GMEB1: variants seen among roughly 807,000 people sequenced by gnomAD.
GMEB1 encodes glucocorticoid modulatory element binding protein 1.
Under a neutral mutation model 52.4 loss-of-function variants are expected in GMEB1, and 6 were observed. The ratio of observed to expected loss-of-function variants is 0.11; its 90% CI spans 0.06 to 0.23. The LOEUF (loss-of-function observed/expected upper bound fraction) is 0.23, where lower values mean the gene tolerates loss of function less well. Among genes scored for constraint, GMEB1 ranks in the 10% least tolerant of loss-of-function variants. GMEB1 has a pLI of 1.00. For missense variants in GMEB1, 486 were observed against 685.6 expected (o/e 0.71, Z 3.25); for synonymous variants, 255 against 244.9 (o/e 1.04, Z -0.38).
chr1:28,710,638 G>T lies in GMEB1; in HGVS notation c.987G>T (p.Leu329=). The change falls in exon 9 of 10, where the codon CTG becomes CTT. Residue 329 remains leucine, a synonymous_variant. Transcript: ENST00000373816. The part of the protein sequence containing the change: ...EQGEEQFLYT[L]TDLERQLEEQ... The stretch of plus-strand genomic sequence containing the variant: ...GAGAAGAACAGTTTCTCTATACTCT[G>T]ACAGGTATGTATAAGTTATCGCTCT... 1 of 1,587,000 alleles carries T rather than the reference G, an allele frequency of 6.3e-7. No homozygotes were observed. Among genetic ancestry groups the T allele is most frequent in the Non-Finnish European group, 8.6e-7 (1 of 1,166,854 alleles).
At chr1:28,695,241 C>T (rs994447994) in intron 5 of GMEB1, among the ~76,000 whole-genome samples, 7 of 152,002 alleles carry the variant, frequency 4.6e-5, no homozygotes, top group Non-Finnish European at 1.0e-4. Flanking sequence ...GCTGGGATTA[C>T]AGGCGTGAGC....
intron 1 of GMEB1, among the ~76,000 whole-genome samples, chr1:28,673,253 G>A (rs1464711895): frequency 6.6e-6 from 1 of 150,580 alleles, no homozygotes; most frequent in Non-Finnish European, 1.5e-5. Flanking sequence ...TGTGACACTT[G>A]TCCATTTTTC....
At chr1:28,695,819 G>C (rs1670174706) in intron 5 of GMEB1, among the ~76,000 whole-genome samples, 1 of 142,124 alleles carries the variant, frequency 7.0e-6, no homozygotes, top group African/African-American at 2.6e-5. Flanking sequence ...GGCGCCTGTA[G>C]TCCCAGCTAC....
chr1:28,714,891 A>G lies in GMEB1; in HGVS notation c.*118A>G. On this transcript the variant is annotated 3_prime_UTR_variant, in exon 10 of 10. Transcript: ENST00000373816. The stretch of plus-strand genomic sequence containing the variant: ...CCTTTTTTAAAAAAAAAAAAACAAA[A>G]TCTTATTGTTGTAACTGAAAATGTT... The G allele has an allele frequency of 1.3e-6, 1 of 745,042 alleles. No individual in the cohort carries two copies. Among genetic ancestry groups the G allele is most frequent in the East Asian group, 2.7e-5 (1 of 36,862 alleles). 46.2% of individuals were successfully genotyped at this position (745,042 alleles called of 1,614,324 possible).
In GMEB1 at chr1:28,671,391, A is replaced by G. The variant is rs184322334; in HGVS notation, c.-31+2552A>G. 1.6e-4 allele frequency among the ~76,000 whole-genome samples: 25 copies of G among 152,220 alleles called. 1 individual carries two copies. Among genetic ancestry groups the G allele is most frequent in the South Asian group, 6.2e-4 (3 of 4,820 alleles). On this transcript the variant is annotated intron_variant, in intron 1 of 9. Transcript: ENST00000373816. ...CTCAGCCTCCTGAGTAGCTGGGACT[A>G]CAGGTGCGTGGCACTGCGCCCGCCT...
At chr1:28,712,371 C>T (rs1054304197) in intron 9 of GMEB1, among the ~76,000 whole-genome samples, 6 of 152,084 alleles carry the variant, frequency 3.9e-5, no homozygotes, top group Non-Finnish European at 7.4e-5. Flanking sequence ...CTTCATTGGC[C>T]ATTGGTAATC....
intron 7 of GMEB1, 139 bp downstream of exon 7, chr1:28,702,708 C>T: frequency 2.9e-6 from 2 of 684,932 alleles, no homozygotes; most frequent in Non-Finnish European, 2.4e-6. Context: ...CTACAAACAT[C>T]CTACTTTAAT....
intron 9 of GMEB1, 140 bp downstream of exon 9, chr1:28,710,782 C>T (rs1411726349): frequency 1.1e-5 from 5 of 476,142 alleles, no homozygotes; most frequent in Admixed American, 4.1e-5. Flanking sequence ...AAAAAAAAGC[C>T]GCAGATGAGG....
intron 1 of GMEB1, among the ~76,000 whole-genome samples, chr1:28,676,685 G>A (rs12751872): frequency 0.46 from 70,042 of 150,636 alleles, 16,757 homozygotes; most frequent in East Asian, 0.76. Context: ...AGATCAGGGC[G>A]CTGCACTCCA....
At position 28,683,759 on chromosome 1, in the gene GMEB1, G is replaced by C. The variant is rs761663207; in HGVS notation, c.128+19G>C. ...AACAAGGGTAAGTGGCTAGAGATTT[G>C]GGTATTCTGAAGTATTTTGGGAAGC... is the stretch of plus-strand genomic sequence containing the variant. On this transcript the variant is annotated intron_variant, in intron 2 of 9. Coordinates refer to ENST00000373816, the MANE Select transcript of GMEB1 (RefSeq NM_001319674.2). 5 of 1,611,040 alleles carry C rather than the reference G, an allele frequency of 3.1e-6. No individual in the cohort carries two copies. The Admixed American group carries it at 8.4e-5, about 27-fold the overall frequency.
intron 5 of GMEB1, among the ~76,000 whole-genome samples, chr1:28,694,283 C>G (rs201306299): frequency 1.3e-5 from 2 of 150,924 alleles, no homozygotes; most frequent in South Asian, 4.2e-4. Context: ...CTCTGCCTCC[C>G]GGGTTCAAGT....
rs775779013 is a variant in GMEB1, at chr1:28,697,019, G to A, written c.533G>A (p.Ser178Asn). ...AGCACCAAATTTGATCTTCTGATCAGCAGTGCAAGAGCTCCAGTGCCAGGA... is the reference window on the plus strand; with the variant it reads ...AGCACCAAATTTGATCTTCTGATCAACAGTGCAAGAGCTCCAGTGCCAGGA... ...CRSTKFDLLI[S>N]SARAPVPGQQ... The change falls in exon 6 of 10, where the codon AGC (serine) becomes AAC (asparagine). Residue 178 changes from serine to asparagine, a missense_variant. This residue lies in a region of GMEB1 where 200 missense variants were observed against 253.5 expected (regional missense o/e 0.79). Coordinates refer to ENST00000373816, the MANE Select transcript of GMEB1 (RefSeq NM_001319674.2). 4 of 1,612,318 alleles carry A rather than the reference G, an allele frequency of 2.5e-6. No homozygotes were observed. The highest frequency in any genetic ancestry group is 3.4e-6 in the Non-Finnish European group (4 of 1,179,090).
At chr1:28,696,798 TC>T in intron 5 of GMEB1, 128 bp from the exon 6 acceptor site, 1 of 643,828 alleles carries the variant, frequency 1.6e-6, no homozygotes, top group Admixed American at 3.0e-5. Context: ...CCTAATGACT[TC>T]TAACACTATT....
At chr1:28,710,786 G>A in intron 9 of GMEB1, 144 bp downstream of exon 9, 1 of 456,198 alleles carries the variant, frequency 2.2e-6, no homozygotes, top group Non-Finnish European at 3.6e-6. Context: ...AAAAGCCGCA[G>A]ATGAGGTGGA....
rs1048700090 is a variant in GMEB1 at position 28,716,446 on chromosome 1, T to C, written c.*1673T>C. The C allele has an allele frequency of 6.6e-5, 10 of 152,124 alleles. No homozygotes were observed. The highest frequency in any genetic ancestry group is 2.4e-4 in the African/African-American group (10 of 41,430). 9.4% of individuals were successfully genotyped at this position (152,124 alleles called of 1,614,324 possible). A position where few individuals can be genotyped will look rare whatever the true frequency, so the allele number is the denominator to read the frequency against. ...TGTTCTGCCCTCCATCCCTCAACTC[T>C]TAATGGCATCTGTCTCCTAGAACCC... On this transcript the variant is annotated 3_prime_UTR_variant, in exon 10 of 10. Transcript: ENST00000373816.
chr1:28,702,064 G>A (rs748322044), intron 6 of GMEB1, among the ~76,000 whole-genome samples: 3 of 152,070 alleles, frequency 2.0e-5, no homozygotes, highest in Non-Finnish European at 4.4e-5. Flanking sequence ...ATTATTTCAA[G>A]CTTTCTTCAC....
rs879212606 is a variant in GMEB1 at position 28,690,203 on chromosome 1, G to GGTTT, written c.211+17_211+18insGTTT. 1.1e-3 allele frequency: 582 copies of GGTTT among 515,358 alleles called. No individual in the cohort carries two copies. The highest frequency in any genetic ancestry group is 2.2e-3 in the South Asian group (92 of 42,514). 31.9% of individuals were successfully genotyped at this position (515,358 alleles called of 1,614,324 possible). ...AAGGGATTGGTAAGGGTTTTTTTGT[G>GGTTT]TTTTTTTTTTTTTTTTTTTTTGTCA... is the stretch of plus-strand genomic sequence containing the variant. On this transcript the variant is annotated intron_variant, in intron 3 of 9. Transcript: ENST00000373816.
rs1342946875 is a variant in GMEB1, at chr1:28,714,814, T to A, written c.*41T>A. The A allele has an allele frequency of 6.0e-6, 8 of 1,324,806 alleles. No individual in the cohort carries two copies. The highest frequency in any genetic ancestry group is 7.4e-6 in the Non-Finnish European group (7 of 941,934). The allele number at this position is 1,324,806 out of a possible 1,614,324, so 82.1% of individuals were successfully genotyped here. On this transcript the variant is annotated 3_prime_UTR_variant, in exon 10 of 10. Transcript: ENST00000373816. ...CCAGGAGTTATGTTTTGATTTGGAA[T>A]TTTAATTATTTGTTTATTTTTATCA...
intron 1 of GMEB1, among the ~76,000 whole-genome samples, chr1:28,679,455 G>A (rs1669299553): frequency 6.6e-6 from 1 of 152,176 alleles, no homozygotes. Flanking sequence ...TGGGATTACA[G>A]GTGTGAGCCA....
Sources: gnomAD v4.1 joint callset for allele counts (sites outside exome capture counted in the v4.1 genomes callset) on GRCh38, gnomAD v4.1.1 for gene constraint, gnomAD v4.1.1 regional missense constraint, MANE v1.5 for transcripts, NCBI Gene and HGNC (gene_info 2026-07-23, HGNC 2026-07-21) for gene names.